The following LRP1B variants were observed in gnomAD, a reference collection of about 807,000 sequenced individuals.
The protein encoded by LRP1B is LDL receptor related protein 1B.
In LRP1B, 217 loss-of-function variants were observed where a neutral mutation model predicts 556.6. The ratio of observed to expected loss-of-function variants is 0.39; its 90% CI spans 0.35 to 0.44. The LOEUF (loss-of-function observed/expected upper bound fraction) is 0.44, where lower values mean the gene tolerates loss of function less well. Among genes scored for constraint, LRP1B ranks in the 20% least tolerant of loss-of-function variants. The probability of loss-of-function intolerance (pLI) is 1.00; values close to 1 mark genes in which losing one functional copy is unlikely to be tolerated. For missense variants in LRP1B, 5,053 were observed against 5,620.8 expected (o/e 0.90, Z 3.23); for synonymous variants, 2,047 against 1,865.8 (o/e 1.10, Z -2.50).
chr2:140,509,802 T>C, intron 52 of LRP1B, 126 bp downstream of exon 52: 1 of 1,317,922 alleles, frequency 7.6e-7, no homozygotes, highest in African/African-American at 1.5e-5. Context: ...TTAAGTCCAA[T>C]ACTACCTATG....
intron 32 of LRP1B, among the ~76,000 whole-genome samples, chr2:140,779,800 G>A (rs1689634286): frequency 6.7e-6 from 1 of 148,614 alleles, no homozygotes; most frequent in South Asian, 2.1e-4. Context: ...GTGCAGAGGG[G>A]AGATATATAT....
At chr2:140,839,712 ATGGCCTAT>A (rs1692038150) in intron 31 of LRP1B, among the ~76,000 whole-genome samples, 1 of 152,136 alleles carries the variant, frequency 6.6e-6, no homozygotes, top group Non-Finnish European at 1.5e-5. Flanking sequence ...CAATTTGCAG[ATGGCCTAT>A]TGTGGGACTT....
intron 25 of LRP1B, among the ~76,000 whole-genome samples, chr2:140,878,648 T>C (rs1441186899): frequency 1.3e-5 from 2 of 152,078 alleles, no homozygotes; most frequent in African/African-American, 2.4e-5. Context: ...AACACGAAGA[T>C]AGCATCAATC....
chr2:141,740,259 C>T (rs1172252570), intron 2 of LRP1B, among the ~76,000 whole-genome samples: 1 of 152,058 alleles, frequency 6.6e-6, no homozygotes, highest in Non-Finnish European at 1.5e-5. Context: ...TAAACATTGG[C>T]TAGCAGCTTA....
chr2:140,930,110 A>G (rs1437734622), intron 20 of LRP1B, among the ~76,000 whole-genome samples: 1 of 152,050 alleles, frequency 6.6e-6, no homozygotes, highest in Non-Finnish European at 1.5e-5. Context: ...CTTAAGCTTC[A>G]GGGCTTGGCA....
At chr2:140,990,068 A>C (rs2105353836) in intron 16 of LRP1B, among the ~76,000 whole-genome samples, 1 of 151,858 alleles carries the variant, frequency 6.6e-6, no homozygotes, top group Non-Finnish European at 1.5e-5. Flanking sequence ...TTAGCCAGGC[A>C]TGGTGGCGCA....
At chr2:141,072,810 T>C (rs1299728100) in intron 7 of LRP1B, among the ~76,000 whole-genome samples, 1 of 152,062 alleles carries the variant, frequency 6.6e-6, no homozygotes, top group East Asian at 1.9e-4. Flanking sequence ...GAAAGGCAAA[T>C]CCTTTGTTTT....
At chr2:141,173,216 A>T (rs1368736674) in intron 7 of LRP1B, among the ~76,000 whole-genome samples, 1 of 152,002 alleles carries the variant, frequency 6.6e-6, no homozygotes, top group Non-Finnish European at 1.5e-5. Flanking sequence ...CAGGGCTTTG[A>T]TAAAAAACCT....
At chr2:140,269,942 T>C (rs923528083) in intron 86 of LRP1B, among the ~76,000 whole-genome samples, 4 of 151,984 alleles carry the variant, frequency 2.6e-5, no homozygotes, top group Non-Finnish European at 5.9e-5. Flanking sequence ...GGGCTTCACA[T>C]ATCAGAATCA....
At chr2:141,742,255 CTT>C (rs34084336) in intron 2 of LRP1B, among the ~76,000 whole-genome samples, 30 of 122,712 alleles carry the variant, frequency 2.4e-4, no homozygotes, top group Non-Finnish European at 3.4e-4. Flanking sequence ...TTCTTTCTTT[CTT>C]TTTTTTTTTT....
intron 3 of LRP1B, among the ~76,000 whole-genome samples, chr2:141,440,980 C>A (rs563920217): frequency 6.6e-6 from 1 of 152,246 alleles, no homozygotes; most frequent in African/African-American, 2.4e-5. Flanking sequence ...CCACTCCCGC[C>A]CACCCTCAGA....
intron 53 of LRP1B, 39 bp downstream of exon 53, chr2:140,506,755 TAG>T: frequency 6.3e-7 from 1 of 1,587,218 alleles, no homozygotes; most frequent in East Asian, 2.3e-5. Flanking sequence ...GAAAGACTCT[TAG>T]CCTAGGAATC....
chr2:141,770,390 A>G (rs1694863401), intron 2 of LRP1B, among the ~76,000 whole-genome samples: 1 of 152,162 alleles, frequency 6.6e-6, no homozygotes, highest in Admixed American at 6.5e-5. Flanking sequence ...AGACATGAGA[A>G]TATTTCTTGT....
chr2:141,638,345 A>G (rs1450806105), intron 2 of LRP1B, among the ~76,000 whole-genome samples: 1 of 152,096 alleles, frequency 6.6e-6, no homozygotes, highest in Non-Finnish European at 1.5e-5. Context: ...TGCTTTGTGT[A>G]TAGCCCGCAG....
chr2:140,914,042 G>A (rs1023317942), intron 21 of LRP1B, among the ~76,000 whole-genome samples: 1 of 152,052 alleles, frequency 6.6e-6, no homozygotes, highest in African/African-American at 2.4e-5. Flanking sequence ...TCTGATTATG[G>A]TTAAGAAAAT....
intron 41 of LRP1B, among the ~76,000 whole-genome samples, chr2:140,604,718 C>T (rs973275504): frequency 3.9e-5 from 6 of 152,142 alleles, no homozygotes; most frequent in African/African-American, 1.4e-4. Flanking sequence ...GATGGGTCCT[C>T]ACCCAAATCT....
chr2:141,235,278 A>G (rs1021178837), intron 5 of LRP1B, among the ~76,000 whole-genome samples: 11 of 152,142 alleles, frequency 7.2e-5, no homozygotes, highest in African/African-American at 2.7e-4. Flanking sequence ...GTATTTATAC[A>G]TCTAAGCATT....
At chr2:141,497,429 C>T (rs1683546429) in intron 2 of LRP1B, among the ~76,000 whole-genome samples, 1 of 151,866 alleles carries the variant, frequency 6.6e-6, no homozygotes, top group African/African-American at 2.4e-5. Flanking sequence ...TGAAAACAAA[C>T]AAAAAACACC....
At chr2:140,512,639 A>G (rs11887888) in intron 51 of LRP1B, among the ~76,000 whole-genome samples, 111,871 of 152,068 alleles carry the variant, frequency 0.74, 41,831 homozygotes, top group Middle Eastern at 0.83. Flanking sequence ...CTCTCAAAAG[A>G]TGGAAATAAA....
Sources: allele counts gnomAD v4.1 joint callset (sites outside exome capture counted in the v4.1 genomes callset), GRCh38; gene constraint gnomAD v4.1.1; transcripts MANE v1.5; gene names NCBI Gene and HGNC (gene_info 2026-07-23, HGNC 2026-07-21).